The following SMIM41 variants were observed in gnomAD, a reference collection of about 807,000 sequenced individuals.
The protein encoded by SMIM41 is small integral membrane protein 41.
intron 1 of SMIM41, among the ~76,000 whole-genome samples, chr12:52,080,783 C>G (rs1939807566): frequency 6.6e-6 from 1 of 152,072 alleles, no homozygotes; most frequent in Non-Finnish European, 1.5e-5. Flanking sequence ...GGAGTGTGGT[C>G]ATGTTTGAGG....
intron 2 of SMIM41, among the ~76,000 whole-genome samples, chr12:52,104,681 G>C (rs965855986): frequency 8.7e-4 from 133 of 152,090 alleles, no homozygotes; most frequent in African/African-American, 3.0e-3. Context: ...GTCGGGGGGG[G>C]GCGGTCTCAG....
At chr12:52,093,835 G>C (rs530533421) in intron 2 of SMIM41, among the ~76,000 whole-genome samples, 136 of 152,232 alleles carry the variant, frequency 8.9e-4, no homozygotes, top group African/African-American at 3.1e-3. Flanking sequence ...AACCCTTTTG[G>C]AAAAATCTGG....
chr12:52,081,832 C>T lies in SMIM41; in HGVS notation c.*120+1651C>T. ...TGACATGCTCACATGAATGACAGAG[C>T]TGGAAGCAGACCCTGGGCCCTGATT... On this transcript the variant is annotated intron_variant, in intron 1 of 2. Coordinates refer to ENST00000546390, the MANE Select transcript of SMIM41 (RefSeq NM_001369216.1). The surrounding 1 kb of genome is among the most constrained non-coding windows in gnomAD (Gnocchi z 4.1). Among the ~76,000 whole-genome samples the T allele has an allele frequency of 6.6e-6, 1 of 152,196 alleles. No homozygotes were observed. The highest frequency in any genetic ancestry group is 6.5e-5 in the Admixed American group (1 of 15,286).
chr12:52,082,673 C>A (rs758332644), intron 1 of SMIM41, among the ~76,000 whole-genome samples: 7 of 151,642 alleles, frequency 4.6e-5, no homozygotes, highest in Admixed American at 4.6e-4. Flanking sequence ...GCTCACTTAG[C>A]CTGCACCGTC....
chr12:52,097,350 C>A (rs1269223195), intron 2 of SMIM41, among the ~76,000 whole-genome samples: 1 of 149,532 alleles, frequency 6.7e-6, no homozygotes, highest in Non-Finnish European at 1.5e-5. Context: ...GAAATATCAC[C>A]CCCCCCCGGA....
chr12:52,105,571 T>C (rs12317601), intron 2 of SMIM41, among the ~76,000 whole-genome samples: 2,182 of 152,168 alleles, frequency 0.014, 59 homozygotes, highest in African/African-American at 0.049. Flanking sequence ...GCCAACATGG[T>C]GAAACCCCGT....
rs1361007767 is a variant in SMIM41, at chr12:52,081,430, G to T, written c.*120+1249G>T. Among the ~76,000 whole-genome samples the T allele has an allele frequency of 6.6e-6, 1 of 152,100 alleles. No homozygotes were observed. The highest frequency in any genetic ancestry group is 1.5e-5 in the Non-Finnish European group (1 of 67,998). On this transcript the variant is annotated intron_variant, in intron 1 of 2. Coordinates refer to ENST00000546390, the MANE Select transcript of SMIM41 (RefSeq NM_001369216.1). This position sits in a 1 kb window ranked among gnomAD's most constrained non-coding sequence, Gnocchi z 4.1. ...AACGACAACGTGTGATCCCTGCCCA[G>T]CAGCCCAGGATTTGGCACTAATCCT...
intron 2 of SMIM41, among the ~76,000 whole-genome samples, chr12:52,087,358 T>A (rs1939908410): frequency 6.6e-6 from 1 of 152,226 alleles, no homozygotes; most frequent in South Asian, 2.1e-4. Flanking sequence ...ATGTCTCACT[T>A]GCCTTTACAG....
chr12:52,107,745 C>T lies in SMIM41; in HGVS notation c.*562C>T. 2.4e-6 allele frequency: 1 copy of T among 408,628 alleles called. No individual in the cohort carries two copies. The highest frequency in any genetic ancestry group is 2.0e-5 in the South Asian group (1 of 50,838). 25.3% of individuals were successfully genotyped at this position (408,628 alleles called of 1,614,324 possible). A position where few individuals can be genotyped will look rare whatever the true frequency, so the allele number is the denominator to read the frequency against. Reference sequence around the variant, plus strand: ...CTCTATATCATTCAGCCATCATGAACCTGTGTTTCTGTGGCTTCCTAGTTT... The same window carrying T: ...CTCTATATCATTCAGCCATCATGAATCTGTGTTTCTGTGGCTTCCTAGTTT... On this transcript the variant is annotated 3_prime_UTR_variant, in exon 3 of 3. Coordinates refer to ENST00000546390, the MANE Select transcript of SMIM41 (RefSeq NM_001369216.1).
At position 52,098,379 on chromosome 12, in the gene SMIM41, T is replaced by A. The variant is rs113264531; in HGVS notation, c.*196-9000T>A. Among the ~76,000 whole-genome samples, 240 of 152,170 alleles carry A rather than the reference T, an allele frequency of 1.6e-3. 1 individual carries two copies. The highest frequency in any genetic ancestry group is 5.3e-3 in the African/African-American group (220 of 41,474). ...TATTTCAGGTGGGGTATACACCACC[T>A]GCAATATTGGAAGTAATATGATTTT... On this transcript the variant is annotated intron_variant, in intron 2 of 2. Transcript: ENST00000546390.
intron 2 of SMIM41, chr12:52,087,712 A>G (rs1939913333): frequency 6.6e-6 from 1 of 152,262 alleles, no homozygotes; most frequent in Non-Finnish European, 1.5e-5. Flanking sequence ...CATCCTTAGG[A>G]AAATGAGATA....
intron 2 of SMIM41, among the ~76,000 whole-genome samples, chr12:52,090,690 G>T (rs1304135435): frequency 3.9e-5 from 6 of 152,190 alleles, no homozygotes; most frequent in Admixed American, 6.5e-5. Flanking sequence ...TCGAACCAGA[G>T]CATCAACCTG....
At chr12:52,092,099 G>T (rs999755284) in intron 2 of SMIM41, 14 of 152,318 alleles carry the variant, frequency 9.2e-5, no homozygotes, top group African/African-American at 3.4e-4. Context: ...CTGGGAGGGC[G>T]TTCCAAAGGC....
chr12:52,095,257 G>A lies in SMIM41; in HGVS notation c.*195+11289G>A, dbSNP rs115824065. Among the ~76,000 whole-genome samples the A allele has an allele frequency of 5.9e-4, 89 of 151,768 alleles. 1 individual carries two copies. The highest frequency in any genetic ancestry group is 2.0e-3 in the African/African-American group (84 of 41,376). On this transcript the variant is annotated intron_variant, in intron 2 of 2. Transcript: ENST00000546390. The stretch of plus-strand genomic sequence containing the variant: ...TCGCAGGGGGTCGGGCGCCCCCCGC[G>A]ATGCGGGGAGTAACATCTCCCCCCT...
chr12:52,103,752 C>CAAAA (rs112160627), intron 2 of SMIM41, among the ~76,000 whole-genome samples: 2,162 of 147,580 alleles, frequency 0.015, 48 homozygotes, highest in African/African-American at 0.054. Flanking sequence ...AGACTGTCTC[C>CAAAA]AGTAAATAAA....
chr12:52,079,935 G>C lies in SMIM41; in HGVS notation c.156G>C (p.Leu52=), dbSNP rs932642175. ...CCCTGCTGGTGCTTTGCGGGGTCCT[G>C]TTCCTGGGCGGCGGCCTCCTCCTCC... The part of the protein sequence containing the change: ...VLSLLVLCGV[L]FLGGGLLLRA... Residue 52 remains leucine (L), a synonymous_variant, in exon 1 of 3, where the codon CTG becomes CTC. Coordinates refer to ENST00000546390, the MANE Select transcript of SMIM41 (RefSeq NM_001369216.1). 2.6e-5 allele frequency: 10 copies of C among 386,966 alleles called. No individual in the cohort carries two copies. The highest frequency in any genetic ancestry group is 2.1e-4 in the African/African-American group (10 of 48,088). 24.0% of individuals were successfully genotyped at this position (386,966 alleles called of 1,614,324 possible).
intron 2 of SMIM41, among the ~76,000 whole-genome samples, chr12:52,090,166 G>A (rs957279542): frequency 1.4e-4 from 21 of 152,102 alleles, no homozygotes; most frequent in Non-Finnish European, 1.5e-4. Flanking sequence ...CACCTCCCGG[G>A]TTCAAGCGAT....
intron 2 of SMIM41, among the ~76,000 whole-genome samples, chr12:52,099,048 G>C (rs1940163440): frequency 6.6e-6 from 1 of 151,764 alleles, no homozygotes; most frequent in African/African-American, 2.4e-5. Flanking sequence ...ATCACAGGCT[G>C]TGTACACCCC....
chr12:52,104,675 G>A (rs1046693083), intron 2 of SMIM41, among the ~76,000 whole-genome samples: 1 of 111,370 alleles, frequency 9.0e-6, no homozygotes, highest in African/African-American at 4.3e-5. Context: ...GTTATGGTCG[G>A]GGGGGGGCGG....
Sources: allele counts gnomAD v4.1 joint callset (sites outside exome capture counted in the v4.1 genomes callset), GRCh38; gene constraint gnomAD v4.1.1; non-coding constraint Gnocchi (gnomAD v3.1); transcripts MANE v1.5; gene names NCBI Gene and HGNC (gene_info 2026-07-23, HGNC 2026-07-21).